Variants in IL26 observed in about 807,000 individuals in gnomAD.
IL26 encodes interleukin 26, also known as interleukin-26.
In IL26, 23 loss-of-function variants were observed where a neutral mutation model predicts 21.7. The ratio of observed to expected loss-of-function variants is 1.06; its 90% CI spans 0.76 to 1.50. The LOEUF (loss-of-function observed/expected upper bound fraction) is 1.50. IL26 is among the 40% of genes most tolerant of loss of function. The pLI, the probability that IL26 is intolerant of heterozygous loss-of-function variation, is 0.00. For synonymous variants in IL26, 63 were observed against 67.8 expected, an observed-to-expected ratio of 0.93 and a Z score of 0.34; for missense variants, 204 against 196.0, an observed-to-expected ratio of 1.04 and a Z score of -0.24.
intron 3 of IL26, among the ~76,000 whole-genome samples, chr12:68,222,644 G>C (rs912504241): frequency 6.6e-6 from 1 of 152,188 alleles, no homozygotes; most frequent in African/African-American, 2.4e-5. Flanking sequence ...TCAAGGTTCT[G>C]CGGAAAGCTT....
At chr12:68,213,883 G>A (rs1375704389) in intron 3 of IL26, among the ~76,000 whole-genome samples, 4 of 151,758 alleles carry the variant, frequency 2.6e-5, no homozygotes, top group Admixed American at 1.3e-4. Context: ...ACATTTATTA[G>A]TTATTTCCTT....
At chr12:68,207,688 C>T (rs1013903001) in intron 3 of IL26, among the ~76,000 whole-genome samples, 10 of 152,114 alleles carry the variant, frequency 6.6e-5, no homozygotes. Flanking sequence ...TTTCTACCAA[C>T]CAAAAGGCAG....
At chr12:68,224,796 G>A (rs919161369) in intron 3 of IL26, among the ~76,000 whole-genome samples, 18 of 151,976 alleles carry the variant, frequency 1.2e-4, no homozygotes, top group African/African-American at 4.1e-4. Flanking sequence ...ACTTAGAATA[G>A]TGTTTGGCAC....
intron 3 of IL26, among the ~76,000 whole-genome samples, chr12:68,202,548 C>A (rs1868417643): frequency 6.6e-6 from 1 of 152,132 alleles, no homozygotes. Flanking sequence ...TGAAGGGAAA[C>A]CAAGGCACAT....
At chr12:68,209,982 A>G (rs1868660840) in intron 3 of IL26, among the ~76,000 whole-genome samples, 1 of 152,096 alleles carries the variant, frequency 6.6e-6, no homozygotes. Flanking sequence ...CTCAATATAC[A>G]ACTTCAGACT....
chr12:68,212,197 T>C (rs1025759789), intron 3 of IL26, among the ~76,000 whole-genome samples: 1 of 152,170 alleles, frequency 6.6e-6, no homozygotes, highest in Non-Finnish European at 1.5e-5. Flanking sequence ...TGTAAATGTA[T>C]GGATTTATTT....
chr12:68,215,060 A>G (rs1038052978), intron 3 of IL26, among the ~76,000 whole-genome samples: 2 of 152,252 alleles, frequency 1.3e-5, no homozygotes, highest in Non-Finnish European at 2.9e-5. Context: ...TCTTATAAAT[A>G]TAACGAGTTA....
chr12:68,225,437 G>C lies in IL26; in HGVS notation c.228+7C>G. 1 of 1,569,456 alleles carries C rather than the reference G, an allele frequency of 6.4e-7. No individual in the cohort carries two copies. Among genetic ancestry groups the C allele is most frequent in the Non-Finnish European group, 8.7e-7 (1 of 1,143,786 alleles). On this transcript the variant is annotated splice_region_variant and intron_variant, in intron 2 of 4. Coordinates refer to ENST00000229134, the MANE Select transcript of IL26 (RefSeq NM_018402.2). ...AATGTAAAAAAGAAGAAGACTTTCT[G>C]ACTTACCATAAACTGCTTTTTTGTT...
At chr12:68,204,265 TC>T (rs1490409290) in intron 3 of IL26, among the ~76,000 whole-genome samples, 5 of 149,808 alleles carry the variant, frequency 3.3e-5, no homozygotes, top group Non-Finnish European at 7.4e-5. Context: ...TGCCTCAGCC[TC>T]CCGAACAGCT....
At chr12:68,204,279 G>A (rs1868471375) in intron 3 of IL26, among the ~76,000 whole-genome samples, 1 of 151,750 alleles carries the variant, frequency 6.6e-6, no homozygotes, top group Non-Finnish European at 1.5e-5. Flanking sequence ...GAACAGCTGG[G>A]AATACAGGCG....
Position 68,201,799 on chromosome 12 carries a change from T to C in IL26, c.*46A>G, listed in dbSNP as rs757294514. ...TTATAAACATATTTCTAGCAGTTCT[T>C]ATTGTATTTCAAAATAACTGTAAAA... is the stretch of plus-strand genomic sequence containing the variant. On this transcript the variant is annotated 3_prime_UTR_variant, in exon 5 of 5. Coordinates refer to ENST00000229134, the MANE Select transcript of IL26 (RefSeq NM_018402.2). The C allele has an allele frequency of 3.1e-6, 4 of 1,296,512 alleles. No individual in the cohort carries two copies. The highest frequency in any genetic ancestry group is 1.3e-5 in the South Asian group (1 of 74,498). The allele number at this position is 1,296,512 out of a possible 1,614,324, so 80.3% of individuals were successfully genotyped here. A position where few individuals can be genotyped will look rare whatever the true frequency, so the allele number is the denominator to read the frequency against.
rs955307244 is a variant in IL26, at chr12:68,201,609, A to G, written c.*236T>C. On this transcript the variant is annotated 3_prime_UTR_variant, in exon 5 of 5. Coordinates refer to ENST00000229134, the MANE Select transcript of IL26 (RefSeq NM_018402.2). ...AGTTGACACAATGTACTTGTGAATG[A>G]CAAAACATGTTCAGAATGGAAACAT... 2 of 374,512 alleles carry G rather than the reference A, an allele frequency of 5.3e-6. No homozygotes were observed. Among genetic ancestry groups the G allele is most frequent in the Admixed American group, 8.6e-5 (2 of 23,124 alleles). 23.2% of individuals were successfully genotyped at this position (374,512 alleles called of 1,614,324 possible).
At chr12:68,204,507 G>A (rs1159916776) in intron 3 of IL26, among the ~76,000 whole-genome samples, 7 of 152,128 alleles carry the variant, frequency 4.6e-5, no homozygotes, top group South Asian at 2.1e-4. Context: ...GGACACTACC[G>A]AAGTTAAATA....
chr12:68,211,791 G>A (rs188249791), intron 3 of IL26, among the ~76,000 whole-genome samples: 8 of 152,136 alleles, frequency 5.3e-5, no homozygotes, highest in Admixed American at 2.6e-4. Context: ...CTTGTCAGAC[G>A]GATAGTTGCA....
At chr12:68,222,050 G>T (rs1165591754) in intron 3 of IL26, among the ~76,000 whole-genome samples, 8 of 152,140 alleles carry the variant, frequency 5.3e-5, no homozygotes, top group Admixed American at 5.2e-4. Flanking sequence ...AAATTAAAAT[G>T]TCTTTGCAAC....
chr12:68,223,555 A>G (rs570165629), intron 3 of IL26, among the ~76,000 whole-genome samples: 1 of 152,274 alleles, frequency 6.6e-6, no homozygotes, highest in Admixed American at 6.5e-5. Context: ...CCTGACATGG[A>G]TTTGGGGGTT....
rs749146583 is a variant in IL26, at chr12:68,225,707, G to C, written c.50C>G (p.Ser17Cys). The C allele has an allele frequency of 1.2e-6, 2 of 1,613,842 alleles. No individual in the cohort carries two copies. The highest frequency in any genetic ancestry group is 2.7e-5 in the African/African-American group (2 of 74,914). Residue 17 changes from serine (S) to cysteine (C), a missense_variant, in exon 1 of 5, where the codon TCT becomes TGT. Ser to Cys is a moderately radical substitution (Grantham distance 112). Coordinates refer to ENST00000229134, the MANE Select transcript of IL26 (RefSeq NM_018402.2). ...TTGCTTGTGCTTGGCAATGGCAAGAGACAGAGTGACTAACAGCAACCCACA... is the reference window on the plus strand; with the variant it reads ...TTGCTTGTGCTTGGCAATGGCAAGACACAGAGTGACTAACAGCAACCCACA... ...LRCGLLLVTLSLAIAKHKQSS... is the reference protein window; with the variant it reads ...LRCGLLLVTLCLAIAKHKQSS...
At chr12:68,219,511 T>C (rs1393538347) in intron 3 of IL26, among the ~76,000 whole-genome samples, 6 of 151,814 alleles carry the variant, frequency 4.0e-5, no homozygotes, top group Non-Finnish European at 7.4e-5. Context: ...ATAGCAAAGA[T>C]TGTGAAATGT....
intron 3 of IL26, among the ~76,000 whole-genome samples, chr12:68,223,015 A>G (rs10492196): frequency 0.09 from 13,683 of 152,270 alleles, 1,141 homozygotes; most frequent in African/African-American, 0.22. Context: ...TGTATTAAAC[A>G]GACAGATACC....
Sources: allele counts gnomAD v4.1 joint callset (sites outside exome capture counted in the v4.1 genomes callset), GRCh38; gene constraint gnomAD v4.1.1; transcripts MANE v1.5; gene names NCBI Gene and HGNC (gene_info 2026-07-23, HGNC 2026-07-21).